ANXA4: variants seen among roughly 807,000 people sequenced by gnomAD.
ANXA4 encodes the protein 35-beta calcimedin.
Under a neutral mutation model 49.8 loss-of-function variants are expected in ANXA4, and 39 were observed. The observed-to-expected ratio is 0.78, with a 90% CI of 0.61 to 1.02. The LOEUF is 1.02. ANXA4 is among the 50% of genes least tolerant of loss of function. ANXA4 has a pLI of 0.00. For missense variants in ANXA4, 360 were observed against 410.1 expected (o/e 0.88, Z 1.05); for synonymous variants, 134 against 152.5 (o/e 0.88, Z 0.89).
chr2:69,649,957 A>G (rs142559060), intron 1 of ANXA4, among the ~76,000 whole-genome samples: 4,617 of 92,690 alleles, frequency 0.05, 561 homozygotes, highest in East Asian at 0.4. Context: ...TTTTTTTGAG[A>G]CGGAGTCTCA....
intron 2 of ANXA4, among the ~76,000 whole-genome samples, chr2:69,662,833 A>G (rs1676771528): frequency 6.6e-6 from 1 of 152,138 alleles, no homozygotes; most frequent in Non-Finnish European, 1.5e-5. Context: ...ACACTTAGTT[A>G]AATTTGATTT....
chr2:69,777,304 C>T (rs1488217368), intron 1 of ANXA4, among the ~76,000 whole-genome samples: 3 of 152,134 alleles, frequency 2.0e-5, no homozygotes, highest in Non-Finnish European at 4.4e-5. Flanking sequence ...AATCTCCAGC[C>T]CTTCTCTCCT....
chr2:69,677,932 A>G (rs1221394971), intron 2 of ANXA4, among the ~76,000 whole-genome samples: 3 of 152,224 alleles, frequency 2.0e-5, no homozygotes, highest in Non-Finnish European at 4.4e-5. Context: ...TACCTGGAGA[A>G]AAGAGTACTA....
At chr2:69,746,683 C>G (rs1398254183) in intron 1 of ANXA4, among the ~76,000 whole-genome samples, 1 of 152,156 alleles carries the variant, frequency 6.6e-6, no homozygotes, top group African/African-American at 2.4e-5. Flanking sequence ...CATAATGCTT[C>G]TTGGTCCACA....
intron 2 of ANXA4, among the ~76,000 whole-genome samples, chr2:69,715,448 T>C (rs866186482): frequency 6.6e-6 from 1 of 152,116 alleles, no homozygotes; most frequent in African/African-American, 2.4e-5. Context: ...TCTCAAGTGA[T>C]CCTCCCACCT....
upstream of ANXA4, among the ~76,000 whole-genome samples, chr2:69,644,149 C>T (rs1675895318): frequency 1.7e-5 from 2 of 121,002 alleles, no homozygotes; most frequent in South Asian, 5.3e-4. Flanking sequence ...CGTGAAGAAA[C>T]TGCCAACAAC....
intron 2 of ANXA4, among the ~76,000 whole-genome samples, chr2:69,711,059 GT>G (rs1436235202): frequency 6.6e-6 from 1 of 152,036 alleles, no homozygotes; most frequent in Non-Finnish European, 1.5e-5. Context: ...GCCAGGCGTG[GT>G]TGCTCACACC....
intron 1 of ANXA4, among the ~76,000 whole-genome samples, chr2:69,775,646 AG>A (rs1235942411): frequency 6.6e-6 from 1 of 152,258 alleles, no homozygotes; most frequent in Non-Finnish European, 1.5e-5. Context: ...TCCATGGGAA[AG>A]GGTTACATCA....
chr2:69,771,663 CAT>C (rs1671723534), intron 1 of ANXA4, among the ~76,000 whole-genome samples: 1 of 152,188 alleles, frequency 6.6e-6, no homozygotes, highest in African/African-American at 2.4e-5. Flanking sequence ...GCCATAAGGA[CAT>C]AAGAAACTTT....
At chr2:69,802,571 C>G (rs201329765) in intron 3 of ANXA4, among the ~76,000 whole-genome samples, 1 of 151,948 alleles carries the variant, frequency 6.6e-6, no homozygotes, top group Non-Finnish European at 1.5e-5. Flanking sequence ...ATTAGCTGGG[C>G]GTGGTGGCGT....
chr2:69,670,621 A>G (rs753672587), intron 2 of ANXA4, among the ~76,000 whole-genome samples: 3 of 152,132 alleles, frequency 2.0e-5, no homozygotes, highest in Non-Finnish European at 4.4e-5. Flanking sequence ...CCTATGGATA[A>G]ATGGAGACCT....
intron 3 of ANXA4, among the ~76,000 whole-genome samples, chr2:69,726,700 A>G (rs1669971569): frequency 6.6e-6 from 1 of 152,136 alleles, no homozygotes; most frequent in Non-Finnish European, 1.5e-5. Flanking sequence ...AAAACCATAG[A>G]TGAATTGCAC....
chr2:69,686,067 G>T (rs972179639), intron 2 of ANXA4, among the ~76,000 whole-genome samples: 6 of 152,106 alleles, frequency 3.9e-5, no homozygotes, highest in African/African-American at 1.4e-4. Flanking sequence ...TTACTAGGAA[G>T]TAGTATTTTA....
chr2:69,675,483 A>C (rs1383832801), intron 2 of ANXA4, among the ~76,000 whole-genome samples: 3 of 152,204 alleles, frequency 2.0e-5, no homozygotes, highest in African/African-American at 7.2e-5. Flanking sequence ...TGTCATCTCA[A>C]TGTTAAAACC....
intron 2 of ANXA4, among the ~76,000 whole-genome samples, chr2:69,718,819 C>CACATGCACACACATAT (rs1443192442): frequency 7.3e-5 from 11 of 150,416 alleles, no homozygotes; most frequent in Admixed American, 2.0e-4. Flanking sequence ...ACATGCTGCA[C>CACATGCACACACATAT]ACATGCACAC....
chr2:69,773,344 A>G (rs1406943879), intron 1 of ANXA4, among the ~76,000 whole-genome samples: 1 of 152,050 alleles, frequency 6.6e-6, no homozygotes, highest in Non-Finnish European at 1.5e-5. Context: ...CTGCCTCCTC[A>G]CTTGTCATTT....
chr2:69,781,912 C>T (rs1288520308), intron 2 of ANXA4, among the ~76,000 whole-genome samples: 1 of 152,128 alleles, frequency 6.6e-6, no homozygotes, highest in Admixed American at 6.5e-5. Context: ...GGTTCTACCA[C>T]CTGAAGAGGA....
chr2:69,776,978 G>A (rs1016991199), intron 1 of ANXA4, among the ~76,000 whole-genome samples: 18 of 152,140 alleles, frequency 1.2e-4, no homozygotes, highest in Non-Finnish European at 5.9e-5. Context: ...ATGACCCCCT[G>A]TTGACTTTCA....
chr2:69,827,073 A>G lies in ANXA4; in HGVS notation c.*1558A>G, dbSNP rs560963194. The stretch of plus-strand genomic sequence containing the variant: ...CCTCTGCTCTAAGTAGACCATTTAT[A>G]TTAAATATCATAAATGTATAAAGGA... On this transcript the variant is annotated 3_prime_UTR_variant, in exon 13 of 13. Coordinates refer to ENST00000394295, the MANE Select transcript of ANXA4 (RefSeq NM_001153.5). 1 of 152,348 alleles carries G rather than the reference A, an allele frequency of 6.6e-6. No individual in the cohort carries two copies. Among genetic ancestry groups the G allele is most frequent in the African/African-American group, 2.4e-5 (1 of 41,586 alleles). The allele number at this position is 152,348 out of a possible 1,614,324, so 9.4% of individuals were successfully genotyped here. A position where few individuals can be genotyped will look rare whatever the true frequency, so the allele number is the denominator to read the frequency against.
Sources: allele counts gnomAD v4.1 joint callset (sites outside exome capture counted in the v4.1 genomes callset), GRCh38; gene constraint gnomAD v4.1.1; transcripts MANE v1.5; gene names NCBI Gene and HGNC (gene_info 2026-07-23, HGNC 2026-07-21).